The following AMER3 variants were observed in gnomAD, a reference collection of about 807,000 sequenced individuals.
AMER3 encodes the protein family with sequence similarity 123C.
For missense variants in AMER3, 1,201 were observed against 1,139.4 expected, an observed-to-expected ratio of 1.05 and a Z score of -0.78; for synonymous variants, 541 against 485.5, an observed-to-expected ratio of 1.11 and a Z score of -1.50.
rs1466752649 is a variant in AMER3 at position 130,762,678 on chromosome 2, C to T, written c.606C>T (p.Leu202=). ...GGGGGCGGCGAAGCAAAGCCTTCCT[C>T]CCCCCGGGTGAGGGGCCGGGGCTGG... ...DPGGRRSKAF[L]PPGEGPGLDG... The change falls in exon 2 of 2, where the codon CTC becomes CTT. Residue 202 remains leucine (L), a synonymous_variant. Transcript: ENST00000321420. 9 of 1,610,866 alleles carry T rather than the reference C, an allele frequency of 5.6e-6. No individual in the cohort carries two copies. In the Admixed American group the frequency reaches 6.7e-5, roughly 12 times the overall value.
Position 130,763,086 on chromosome 2 carries a change from C to T in AMER3, c.1014C>T (p.Asp338=), listed in dbSNP as rs772073367. The T allele has an allele frequency of 6.2e-7, 1 of 1,613,270 alleles. No individual in the cohort carries two copies. The part of the protein sequence containing the change: ...WLSGPQGTDR[D]QSRLDTAGLA... ...CAGGCCCCCAGGGGACAGACAGGGA[C>T]CAATCCCGGCTGGACACAGCTGGGC... The change falls in exon 2 of 2, where the codon GAC becomes GAT. Residue 338 remains aspartate, a synonymous_variant. Transcript: ENST00000321420.
At position 130,763,067 on chromosome 2, in the gene AMER3, C is replaced by G; in HGVS notation, c.995C>G (p.Pro332Arg). Reference sequence around the variant, plus strand: ...CTCCTAGGCCCGTGGCTTTCAGGCCCCCAGGGGACAGACAGGGACCAATCC... The same window carrying G: ...CTCCTAGGCCCGTGGCTTTCAGGCCGCCAGGGGACAGACAGGGACCAATCC... ...RALLGPWLSGPQGTDRDQSRL... is the reference protein window; with the variant it reads ...RALLGPWLSGRQGTDRDQSRL... The change falls in exon 2 of 2, where the codon CCC (proline) becomes CGC (arginine). Residue 332 changes from proline to arginine, a missense_variant. Physicochemically the swap from Pro to Arg is moderately radical, Grantham distance 103. Coordinates refer to ENST00000321420, the MANE Select transcript of AMER3 (RefSeq NM_152698.3). 6.2e-7 allele frequency: 1 copy of G among 1,613,452 alleles called. No individual in the cohort carries two copies. The highest frequency in any genetic ancestry group is 1.1e-5 in the South Asian group (1 of 91,074).
chr2:130,761,024 C>T (rs557264294), intron 1 of AMER3, among the ~76,000 whole-genome samples: 4 of 152,220 alleles, frequency 2.6e-5, no homozygotes, highest in South Asian at 2.1e-4. Flanking sequence ...TGCCTTGCTC[C>T]CCATCCTCAG....
intron 1 of AMER3, among the ~76,000 whole-genome samples, chr2:130,758,128 C>A (rs538483696): frequency 2.7e-5 from 4 of 149,180 alleles, no homozygotes; most frequent in African/African-American, 9.9e-5. Context: ...AGCGAGATTC[C>A]ATCAAAAAAA....
rs1380901954 is a variant in AMER3, at chr2:130,767,791, TGGACAC to T, written c.*3137_*3142del. ...AGTTGTCAGCCCCATTTTTCAGACC[TGGACAC>T]GGAGGCACAGGGTGCTGGTGTGACT... On this transcript the variant is annotated 3_prime_UTR_variant, in exon 2 of 2. Transcript: ENST00000321420. The T allele has an allele frequency of 6.0e-6, 1 of 167,206 alleles. No individual in the cohort carries two copies. The highest frequency in any genetic ancestry group is 1.5e-5 in the Non-Finnish European group (1 of 68,192). 10.4% of individuals were successfully genotyped at this position (167,206 alleles called of 1,614,324 possible). A position where few individuals can be genotyped will look rare whatever the true frequency, so the allele number is the denominator to read the frequency against.
rs1458352788 is a variant in AMER3 at position 130,767,510 on chromosome 2, C to G, written c.*2852C>G. On this transcript the variant is annotated 3_prime_UTR_variant, in exon 2 of 2. Transcript: ENST00000321420. ...GTCAGTGCCTCTCCTGACTGCCTGA[C>G]GCTTGGTCTCCGGTGGCCCTCTCTC... is the stretch of plus-strand genomic sequence containing the variant. 1 of 166,910 alleles carries G rather than the reference C, an allele frequency of 6.0e-6. No homozygotes were observed. The highest frequency in any genetic ancestry group is 1.5e-5 in the Non-Finnish European group (1 of 68,194). The allele number at this position is 166,910 out of a possible 1,614,324, so 10.3% of individuals were successfully genotyped here. A position where few individuals can be genotyped will look rare whatever the true frequency, so the allele number is the denominator to read the frequency against.
chr2:130,758,445 GGAAA>G (rs1254972833), intron 1 of AMER3, among the ~76,000 whole-genome samples: 6 of 150,966 alleles, frequency 4.0e-5, no homozygotes, highest in Admixed American at 1.3e-4. Context: ...AGGGAAGGAA[GGAAA>G]GAAGGAAGGA....
At chr2:130,756,935 G>C (rs972538953) in intron 1 of AMER3, among the ~76,000 whole-genome samples, 20 of 150,662 alleles carry the variant, frequency 1.3e-4, no homozygotes, top group African/African-American at 4.6e-4. Context: ...CGCCAGCCCA[G>C]TTTCCAGAGG....
chr2:130,760,087 A>T (rs1401952942), intron 1 of AMER3, among the ~76,000 whole-genome samples: 2 of 152,236 alleles, frequency 1.3e-5, no homozygotes, highest in East Asian at 3.8e-4. Flanking sequence ...ACCATCTGGC[A>T]TGAGGCAGAA....
At position 130,763,915 on chromosome 2, in the gene AMER3, T is replaced by C; in HGVS notation, c.1843T>C (p.Ser615Pro). The C allele has an allele frequency of 8.1e-6, 13 of 1,613,638 alleles. No individual in the cohort carries two copies. Among genetic ancestry groups the C allele is most frequent in the Non-Finnish European group, 1.0e-5 (12 of 1,180,008 alleles). ...AGGTCACTCTGAAGGCTTGTTCTCC[T>C]CTATGGAGTCTGCAGCCACTTCGAC... is the stretch of plus-strand genomic sequence containing the variant. ...TRGHSEGLFS[S>P]MESAATSTTD... The change falls in exon 2 of 2, where the codon TCT (serine) becomes CCT (proline). Residue 615 changes from serine (S) to proline (P), a missense_variant. Physicochemically the swap from Ser to Pro is moderately conservative, Grantham distance 74. Transcript: ENST00000321420.
chr2:130,762,848 C>G lies in AMER3; in HGVS notation c.776C>G (p.Ser259Trp), dbSNP rs756210400. 1 of 1,613,344 alleles carries G rather than the reference C, an allele frequency of 6.2e-7. No homozygotes were observed. The highest frequency in any genetic ancestry group is 1.3e-5 in the African/African-American group (1 of 74,930). Residue 259 changes from serine to tryptophan, a missense_variant, in exon 2 of 2, where the codon TCG becomes TGG. Coordinates refer to ENST00000321420, the MANE Select transcript of AMER3 (RefSeq NM_152698.3). Reference protein sequence around the residue: ...GCGEVFADESSVPSLELNEGP... With the variant: ...GCGEVFADESWVPSLELNEGP... ...GGGGAGGTGTTCGCAGATGAGAGCT[C>G]GGTGCCATCTCTGGAGCTGAACGAG...
chr2:130,760,901 T>C (rs1037819201), intron 1 of AMER3, among the ~76,000 whole-genome samples: 1 of 152,072 alleles, frequency 6.6e-6, no homozygotes, highest in Non-Finnish European at 1.5e-5. Flanking sequence ...GCTGTTGGTG[T>C]AGATCCAAGC....
Position 130,763,267 on chromosome 2 carries a change from A to G in AMER3, c.1195A>G (p.Lys399Glu). The part of the protein sequence containing the change: ...DSFSPGLEED[K>E]KEAESPGTPA... ...CTTCTCGCCAGGACTTGAGGAGGAC[A>G]AGAAGGAAGCTGAGAGCCCAGGCAC... The change falls in exon 2 of 2, where the codon AAG (lysine) becomes GAG (glutamate). Residue 399 changes from lysine (K) to glutamate (E), a missense_variant. Coordinates refer to ENST00000321420, the MANE Select transcript of AMER3 (RefSeq NM_152698.3). 1 of 1,613,828 alleles carries G rather than the reference A, an allele frequency of 6.2e-7. No homozygotes were observed. Among genetic ancestry groups the G allele is most frequent in the Admixed American group, 1.7e-5 (1 of 60,030 alleles).
In AMER3 at chr2:130,764,458, C is replaced by T. The variant is rs200150967; in HGVS notation, c.2386C>T (p.Arg796Cys). The stretch of plus-strand genomic sequence containing the variant: ...CGGCAGCCAGCTGGACTCTGAGCCC[C>T]GCTCAGCCCCTGCTGCCCGGTGGAG... ...AHGSQLDSEP[R>C]SAPAARWSSQ... Residue 796 changes from arginine to cysteine, a missense_variant, in exon 2 of 2, where the codon CGC becomes TGC. Coordinates refer to ENST00000321420, the MANE Select transcript of AMER3 (RefSeq NM_152698.3). 6.2e-5 allele frequency: 99 copies of T among 1,600,464 alleles called. 2 individuals carry two copies. The highest frequency in any genetic ancestry group is 5.8e-4 in the South Asian group (52 of 89,302).
chr2:130,765,578 C>T lies in AMER3; in HGVS notation c.*920C>T, dbSNP rs959790346. 6.6e-5 allele frequency: 11 copies of T among 166,990 alleles called. No individual in the cohort carries two copies. Among genetic ancestry groups the T allele is most frequent in the Non-Finnish European group, 1.2e-4 (8 of 68,130 alleles). 10.3% of individuals were successfully genotyped at this position (166,990 alleles called of 1,614,324 possible). On this transcript the variant is annotated 3_prime_UTR_variant, in exon 2 of 2. Coordinates refer to ENST00000321420, the MANE Select transcript of AMER3 (RefSeq NM_152698.3). ...TTGAGGAAGTTTTGACGTTTTTATA[C>T]ACACGCACAATGCTTACACACACAG...
rs1432636091 is a variant in AMER3, at chr2:130,763,747, G to T, written c.1675G>T (p.Val559Phe). 1 of 1,589,226 alleles carries T rather than the reference G, an allele frequency of 6.3e-7. No individual in the cohort carries two copies. The highest frequency in any genetic ancestry group is 1.3e-5 in the African/African-American group (1 of 74,080). ...GGCCTCAGATGCAGGGGGGGCGACA[G>T]TTTGCTCAGCACCCAGCAGGCAGGA... Reference protein sequence around the residue: ...GLASDAGGATVCSAPSRQELW... With the variant: ...GLASDAGGATFCSAPSRQELW... The change falls in exon 2 of 2, where the codon GTT (valine) becomes TTT (phenylalanine). Residue 559 changes from valine to phenylalanine, a missense_variant. Val to Phe is a conservative substitution (Grantham distance 50, BLOSUM62 -1). Transcript: ENST00000321420.
At chr2:130,758,755 G>T (rs1054647976) in intron 1 of AMER3, among the ~76,000 whole-genome samples, 1 of 152,172 alleles carries the variant, frequency 6.6e-6, no homozygotes, top group Non-Finnish European at 1.5e-5. Context: ...ACCCTCCTTG[G>T]GGGAGGGATG....
chr2:130,756,961 T>C (rs2104770907), intron 1 of AMER3, among the ~76,000 whole-genome samples: 1 of 152,258 alleles, frequency 6.6e-6, no homozygotes, highest in African/African-American at 2.4e-5. Flanking sequence ...GGGCCTGCGC[T>C]TTTTTATCAC....
intron 1 of AMER3, among the ~76,000 whole-genome samples, chr2:130,759,537 TA>T (rs1309317817): frequency 1.3e-5 from 2 of 152,246 alleles, no homozygotes; most frequent in Non-Finnish European, 2.9e-5. Context: ...AGAGATCTCA[TA>T]ATGAATATTT....
Sources: gnomAD v4.1 joint callset for allele counts (sites outside exome capture counted in the v4.1 genomes callset) on GRCh38, gnomAD v4.1.1 for gene constraint, MANE v1.5 for transcripts, NCBI Gene and HGNC (gene_info 2026-07-23, HGNC 2026-07-21) for gene names.